INPP4B: variants seen among roughly 807,000 people sequenced by gnomAD.
INPP4B encodes inositol polyphosphate-4-phosphatase type II B, also known as inositol polyphosphate 4-phosphatase type II.
A neutral mutation model predicts 122.5 loss-of-function variants in INPP4B; 55 were observed. The ratio of observed to expected loss-of-function variants is 0.45; its 90% CI spans 0.36 to 0.56. The LOEUF (loss-of-function observed/expected upper bound fraction) is 0.56. Among genes scored for constraint, INPP4B ranks in the 20% least tolerant of loss-of-function variants. The pLI, the probability that INPP4B is intolerant of heterozygous loss-of-function variation, is 0.00. For synonymous variants in INPP4B, 403 were observed against 388.7 expected (o/e 1.04, Z -0.43); for missense variants, 1,000 against 1,097.7 (o/e 0.91, Z 1.26).
intron 12 of INPP4B, among the ~76,000 whole-genome samples, chr4:142,210,304 G>A (rs1452158660): frequency 6.6e-6 from 1 of 152,050 alleles, no homozygotes; most frequent in African/African-American, 2.4e-5. Context: ...TGTTCCAATG[G>A]GATTGCAATT....
At chr4:142,198,893 T>G (rs1294399253) in intron 14 of INPP4B, among the ~76,000 whole-genome samples, 1 of 152,038 alleles carries the variant, frequency 6.6e-6, no homozygotes, top group Non-Finnish European at 1.5e-5. Context: ...TGCCCTTCCC[T>G]CCTTCATTTT....
intron 25 of INPP4B, among the ~76,000 whole-genome samples, chr4:142,050,910 G>A (rs1754212920): frequency 6.6e-6 from 1 of 151,970 alleles, no homozygotes; most frequent in Non-Finnish European, 1.5e-5. Context: ...ATCAGCTGAT[G>A]AGGAACCCAT....
chr4:142,463,938 T>A (rs184573940), intron 2 of INPP4B, among the ~76,000 whole-genome samples: 208 of 152,232 alleles, frequency 1.4e-3, no homozygotes, highest in Middle Eastern at 6.8e-3. Flanking sequence ...AGCAGTATGA[T>A]AACAGACTGA....
chr4:142,040,575 A>G (rs1746794750), intron 25 of INPP4B, among the ~76,000 whole-genome samples: 1 of 152,214 alleles, frequency 6.6e-6, no homozygotes, highest in African/African-American at 2.4e-5. Context: ...ACAAAAATAC[A>G]TATCTGACAT....
At chr4:142,499,767 C>T (rs957610589) in intron 2 of INPP4B, among the ~76,000 whole-genome samples, 6 of 152,102 alleles carry the variant, frequency 3.9e-5, no homozygotes, top group Admixed American at 3.9e-4. Context: ...GTATCCTTCC[C>T]TTTAACCAGT....
At chr4:142,085,728 G>T (rs941095884) in intron 24 of INPP4B, among the ~76,000 whole-genome samples, 9 of 152,136 alleles carry the variant, frequency 5.9e-5, no homozygotes, top group African/African-American at 2.2e-4. Flanking sequence ...CTCATTAACT[G>T]AACAATATGT....
In INPP4B at chr4:142,065,691, G is replaced by A. The variant is rs144277830; in HGVS notation, c.2642+16340C>T. Among the ~76,000 whole-genome samples, 677 of 152,270 alleles carry A rather than the reference G, an allele frequency of 4.4e-3. 2 individuals carry two copies. Among genetic ancestry groups the A allele is most frequent in the African/African-American group, 0.015 (631 of 41,548 alleles). ...AAGGGCTGGGGGGATGGCATTTGGG[G>A]AGACACTGGTAATGGAAATGGGGTT... On this transcript the variant is annotated intron_variant, in intron 25 of 25. Coordinates refer to ENST00000262992, the MANE Select transcript of INPP4B (RefSeq NM_001101669.3).
chr4:142,572,696 T>C (rs1449225231), intron 2 of INPP4B, among the ~76,000 whole-genome samples: 4 of 152,000 alleles, frequency 2.6e-5, no homozygotes, highest in Admixed American at 6.6e-5. Context: ...TGATGTCTTA[T>C]TAACTCTTTG....
intron 25 of INPP4B, among the ~76,000 whole-genome samples, chr4:142,031,729 C>T (rs1004784587): frequency 1.3e-5 from 2 of 152,112 alleles, no homozygotes; most frequent in Non-Finnish European, 2.9e-5. Context: ...TTTAAAGTGA[C>T]TAAGAAAAGC....
At chr4:142,351,692 A>G (rs1467058214) in intron 7 of INPP4B, among the ~76,000 whole-genome samples, 1 of 152,012 alleles carries the variant, frequency 6.6e-6, no homozygotes, top group Non-Finnish European at 1.5e-5. Context: ...TAGAAAATAA[A>G]TAAGTTGGCC....
intron 7 of INPP4B, among the ~76,000 whole-genome samples, chr4:142,330,560 C>T (rs1344518703): frequency 6.6e-6 from 1 of 152,090 alleles, no homozygotes; most frequent in Non-Finnish European, 1.5e-5. Context: ...CGCGCACGCA[C>T]ACACACACAT....
chr4:142,770,377 T>A lies in INPP4B; in HGVS notation c.-253-44476A>T, dbSNP rs1772857830. 2.0e-5 allele frequency among the ~76,000 whole-genome samples: 3 copies of A among 152,194 alleles called. No homozygotes were observed. The South Asian group carries it at 6.2e-4, about 32-fold the overall frequency. On this transcript the variant is annotated intron_variant, in intron 1 of 25. Transcript: ENST00000262992. ...ATATAAGTAAAAGGGCTGTAATTTG[T>A]GAGAAGACCTAAGCCAGTCTCTCAG...
At chr4:142,712,597 A>T (rs1763251337) in intron 2 of INPP4B, among the ~76,000 whole-genome samples, 1 of 152,226 alleles carries the variant, frequency 6.6e-6, no homozygotes, top group South Asian at 2.1e-4. Context: ...AAAGAAAAAA[A>T]AATTGATAAA....
At chr4:142,547,492 T>G (rs1829773929) in intron 2 of INPP4B, among the ~76,000 whole-genome samples, 1 of 152,080 alleles carries the variant, frequency 6.6e-6, no homozygotes, top group South Asian at 2.1e-4. Context: ...TGCAACCCAA[T>G]TAGCAAAATT....
At chr4:142,066,642 A>G (rs1488879797) in intron 25 of INPP4B, among the ~76,000 whole-genome samples, 1 of 152,176 alleles carries the variant, frequency 6.6e-6, no homozygotes, top group Non-Finnish European at 1.5e-5. Flanking sequence ...TGCTTTTCCA[A>G]TGGTCTTAGC....
intron 17 of INPP4B, among the ~76,000 whole-genome samples, chr4:142,157,975 G>C (rs963310244): frequency 2.0e-5 from 3 of 151,978 alleles, no homozygotes; most frequent in Non-Finnish European, 4.4e-5. Flanking sequence ...CTCAGGAGAA[G>C]TGCCTGCTCT....
chr4:142,796,197 G>T (rs969291657), intron 1 of INPP4B, among the ~76,000 whole-genome samples: 2 of 151,956 alleles, frequency 1.3e-5, no homozygotes, highest in Admixed American at 1.3e-4. Context: ...ATGAATGATA[G>T]GTTGTAAAAT....
intron 1 of INPP4B, among the ~76,000 whole-genome samples, chr4:142,809,028 A>G (rs1285186423): frequency 1.3e-5 from 2 of 152,124 alleles, no homozygotes; most frequent in African/African-American, 4.8e-5. Flanking sequence ...TAAGTCATTA[A>G]AAACCTTATT....
chr4:142,209,985 C>T (rs186453462), intron 12 of INPP4B, among the ~76,000 whole-genome samples: 8 of 152,158 alleles, frequency 5.3e-5, no homozygotes, highest in African/African-American at 1.9e-4. Flanking sequence ...TTATCTAAAT[C>T]TCTACCCTTT....
Sources: gnomAD v4.1 joint callset for allele counts (sites outside exome capture counted in the v4.1 genomes callset) on GRCh38, gnomAD v4.1.1 for gene constraint, MANE v1.5 for transcripts, NCBI Gene and HGNC (gene_info 2026-07-23, HGNC 2026-07-21) for gene names.